Variants in CRB1 observed in about 807,000 individuals in gnomAD.
The protein encoded by CRB1 is protein crumbs homolog 1.
CRB1 carries 83 observed loss-of-function variants against 120.0 expected under a neutral mutation model. The ratio of observed to expected loss-of-function variants is 0.69; its 90% CI spans 0.58 to 0.83. The LOEUF is 0.83. Among genes scored for constraint, CRB1 ranks in the 40% least tolerant of loss-of-function variants. CRB1 has a pLI of 0.00. For missense variants in CRB1, 1,699 were observed against 1,687.6 expected (o/e 1.01, Z -0.12); for synonymous variants, 625 against 612.5 (o/e 1.02, Z -0.30).
chr1:197,405,218 GGC>G (rs1571485984), intron 5 of CRB1, among the ~76,000 whole-genome samples: 1 of 152,276 alleles, frequency 6.6e-6, no homozygotes, highest in East Asian at 1.9e-4. Context: ...TGCGATTGCA[GGC>G]GCGCGCCGCC....
chr1:197,309,883 G>A (rs1230552540), intron 1 of CRB1, among the ~76,000 whole-genome samples: 2 of 152,070 alleles, frequency 1.3e-5, no homozygotes, highest in African/African-American at 4.8e-5. Context: ...CATTCATGTA[G>A]CATCTTAAAT....
chr1:197,229,171 A>G, the CRB1 span, among the ~76,000 whole-genome samples: 1 of 152,144 alleles, frequency 6.6e-6, no homozygotes. Flanking sequence ...TGAGAAATAA[A>G]TAGGTGTTAT....
rs746774206 is a variant in CRB1 at position 197,435,590 on chromosome 1, A to C, written c.3727A>C (p.Asn1243His). 8.7e-6 allele frequency: 14 copies of C among 1,612,786 alleles called. No individual in the cohort carries two copies. The highest frequency in any genetic ancestry group is 1.7e-5 in the Admixed American group (1 of 59,810). Residue 1243 changes from asparagine (N) to histidine (H), a missense_variant, in exon 9 of 12, where the codon AAT (asparagine) becomes CAT (histidine). By Grantham distance (68) the Asn-to-His change is moderately conservative (BLOSUM62 1). Coordinates refer to ENST00000367400, the MANE Select transcript of CRB1 (RefSeq NM_201253.3). ...TGGCTATTCTTGCCTCTGTTTTGGA[A>C]ATTTTACAGGAAAATTTTGCAGGTG... Reference protein sequence around the residue: ...TNGYSCLCFGNFTGKFCRQSR... With the variant: ...TNGYSCLCFGHFTGKFCRQSR...
chr1:197,475,195 T>G (rs1439244464), intron 11 of CRB1, among the ~76,000 whole-genome samples: 2 of 152,194 alleles, frequency 1.3e-5, no homozygotes. Context: ...TCTAATGATC[T>G]AATAGTACTA....
chr1:197,317,863 TTAAAC>T (rs1657947432), intron 1 of CRB1, among the ~76,000 whole-genome samples: 1 of 151,776 alleles, frequency 6.6e-6, no homozygotes, highest in South Asian at 2.1e-4. Flanking sequence ...GATTAAAGAC[TTAAAC>T]ATAAGACCTG....
intron 1 of CRB1, among the ~76,000 whole-genome samples, chr1:197,298,009 A>T (rs1219492522): frequency 1.3e-5 from 2 of 152,060 alleles, no homozygotes; most frequent in African/African-American, 4.8e-5. Flanking sequence ...TAGATGGTGA[A>T]CATAGACAAC....
intron 11 of CRB1, among the ~76,000 whole-genome samples, chr1:197,467,414 G>A (rs906659196): frequency 2.0e-5 from 3 of 151,924 alleles, no homozygotes; most frequent in Admixed American, 6.6e-5. Flanking sequence ...AAGAAAGAAG[G>A]CTTCCTTCTA....
At chr1:197,320,972 A>T (rs187151830) in intron 1 of CRB1, among the ~76,000 whole-genome samples, 6 of 152,328 alleles carry the variant, frequency 3.9e-5, no homozygotes, top group Non-Finnish European at 4.4e-5. Context: ...TTCAAATCTC[A>T]GAAGGATGTC....
At chr1:197,417,669 T>G (rs544449169) in intron 5 of CRB1, among the ~76,000 whole-genome samples, 1 of 152,168 alleles carries the variant, frequency 6.6e-6, no homozygotes, top group Non-Finnish European at 1.5e-5. Flanking sequence ...AAGTCATAAG[T>G]GTCCCTTATA....
chr1:197,421,891 T>A lies in CRB1; in HGVS notation c.2063T>A (p.Ile688Asn). Residue 688 changes from isoleucine to asparagine, a missense_variant, in exon 6 of 12, where the codon ATC (isoleucine) becomes AAC (asparagine). Ile to Asn is a moderately radical substitution (Grantham distance 149, BLOSUM62 -3). Transcript: ENST00000367400. ...SQPCQSRGRCINLWLSYQCDC... is the reference protein window; with the variant it reads ...SQPCQSRGRCNNLWLSYQCDC... ...CCTTGTCAAAGCAGAGGACGCTGCA[T>A]CAACTTGTGGCTGAGTTACCAGTGT... 1.2e-6 allele frequency: 2 copies of A among 1,614,184 alleles called. No homozygotes were observed. Among genetic ancestry groups the A allele is most frequent in the Non-Finnish European group, 1.7e-6 (2 of 1,180,036 alleles).
chr1:197,400,183 G>A (rs1662986990), intron 5 of CRB1, among the ~76,000 whole-genome samples: 2 of 151,946 alleles, frequency 1.3e-5, no homozygotes, highest in Non-Finnish European at 2.9e-5. Context: ...ATGTCCAATG[G>A]ATAAATGAAC....
At chr1:197,325,960 CAG>C (rs1027883576) in intron 1 of CRB1, among the ~76,000 whole-genome samples, 2 of 152,058 alleles carry the variant, frequency 1.3e-5, no homozygotes, top group African/African-American at 2.4e-5. Context: ...GATCTAGAGA[CAG>C]ATATAATTAG....
chr1:197,280,330 C>G (rs192863548), intron 1 of CRB1, among the ~76,000 whole-genome samples: 2 of 151,948 alleles, frequency 1.3e-5, no homozygotes, highest in African/African-American at 2.4e-5. Flanking sequence ...GATCGTCAAT[C>G]AAGCTTGTAA....
chr1:197,429,613 A>G lies in CRB1; in HGVS notation c.2841A>G (p.Glu947=). The G allele has an allele frequency of 6.2e-7, 1 of 1,613,922 alleles. No individual in the cohort carries two copies. The highest frequency in any genetic ancestry group is 8.5e-7 in the Non-Finnish European group (1 of 1,179,884). The part of the protein sequence containing the change: ...AQCQPVLQGF[E]CIANAVFNGQ... ...GCCAGCCGGTGCTTCAAGGATTTGAATGTAGGTAGAGTTCAAACCTACCAT... is the reference window on the plus strand; with the variant it reads ...GCCAGCCGGTGCTTCAAGGATTTGAGTGTAGGTAGAGTTCAAACCTACCAT... Residue 947 remains glutamate, a splice_region_variant and synonymous_variant, in exon 8 of 12, where the codon GAA becomes GAG. Coordinates refer to ENST00000367400, the MANE Select transcript of CRB1 (RefSeq NM_201253.3).
intron 1 of CRB1, among the ~76,000 whole-genome samples, chr1:197,277,018 G>A (rs770788587): frequency 4.6e-5 from 7 of 152,012 alleles, no homozygotes; most frequent in East Asian, 3.9e-4. Context: ...TTATTAAAGC[G>A]TTGGTGGCTT....
intron 5 of CRB1, among the ~76,000 whole-genome samples, chr1:197,389,386 T>C (rs1177043851): frequency 2.6e-5 from 4 of 152,160 alleles, no homozygotes; most frequent in African/African-American, 7.2e-5. Flanking sequence ...TTTTGACATA[T>C]GCTACAACAT....
At chr1:197,460,139 G>A (rs994211229) in intron 11 of CRB1, among the ~76,000 whole-genome samples, 1 of 151,160 alleles carries the variant, frequency 6.6e-6, no homozygotes, top group Admixed American at 6.6e-5. Flanking sequence ...TTCTGGGGAG[G>A]TTCAGATATG....
chr1:197,467,528 A>G (rs912661541), intron 11 of CRB1, among the ~76,000 whole-genome samples: 11 of 152,182 alleles, frequency 7.2e-5, no homozygotes, highest in African/African-American at 2.7e-4. Context: ...GATTTTTTAA[A>G]TCCAGGATAC....
intron 10 of CRB1, chr1:197,439,303 A>T (rs75703528): frequency 6.4e-6 from 1 of 156,480 alleles, no homozygotes; most frequent in Non-Finnish European, 1.4e-5. Context: ...TCCCCAAAAC[A>T]GTTATGAACT....
Sources: allele counts gnomAD v4.1 joint callset (sites outside exome capture counted in the v4.1 genomes callset), GRCh38; gene constraint gnomAD v4.1.1; transcripts MANE v1.5; gene names NCBI Gene and HGNC (gene_info 2026-07-23, HGNC 2026-07-21).